The following PLCE1 variants were observed in gnomAD, a reference collection of about 807,000 sequenced individuals.
PLCE1 encodes 1-phosphatidylinositol 4,5-bisphosphate phosphodiesterase epsilon-1.
Under a neutral mutation model 242.8 loss-of-function variants are expected in PLCE1, and 119 were observed. The observed-to-expected ratio is 0.49, with a 90% CI of 0.42 to 0.57. The LOEUF is 0.57. PLCE1 is among the 20% of genes least tolerant of loss of function. PLCE1 has a pLI of 0.00. For missense variants in PLCE1, 2,441 were observed against 2,788.8 expected, an observed-to-expected ratio of 0.88 and a Z score of 2.81; for synonymous variants, 945 against 1,017.4, an observed-to-expected ratio of 0.93 and a Z score of 1.35.
At chr10:94,083,130 A>G (rs904674829) in intron 2 of PLCE1, among the ~76,000 whole-genome samples, 13 of 152,184 alleles carry the variant, frequency 8.5e-5, no homozygotes, top group Non-Finnish European at 1.9e-4. Context: ...GCATTGCATC[A>G]GATTCTTGGT....
At chr10:94,292,129 G>T (rs539851514) in intron 22 of PLCE1, among the ~76,000 whole-genome samples, 2 of 152,230 alleles carry the variant, frequency 1.3e-5, no homozygotes, top group African/African-American at 4.8e-5. Context: ...TAAGATCAAG[G>T]TATGAGAACT....
intron 4 of PLCE1, among the ~76,000 whole-genome samples, chr10:94,213,593 G>T (rs1037839787): frequency 1.3e-5 from 2 of 152,134 alleles, no homozygotes; most frequent in African/African-American, 4.8e-5. Context: ...ATGTTCCATT[G>T]ATATGTTCTT....
intron 8 of PLCE1, among the ~76,000 whole-genome samples, chr10:94,248,133 A>T (rs2137548469): frequency 6.6e-6 from 1 of 152,316 alleles, no homozygotes; most frequent in South Asian, 2.1e-4. Flanking sequence ...TAGACAAGGC[A>T]CATGTAATGC....
At chr10:94,060,773 T>G (rs1350577874) in intron 2 of PLCE1, among the ~76,000 whole-genome samples, 1 of 151,530 alleles carries the variant, frequency 6.6e-6, no homozygotes, top group African/African-American at 2.4e-5. Flanking sequence ...CAAAGCTCAC[T>G]GCAGCCTCAA....
intron 22 of PLCE1, among the ~76,000 whole-genome samples, chr10:94,288,559 C>T (rs953096328): frequency 2.6e-5 from 4 of 152,176 alleles, no homozygotes; most frequent in African/African-American, 9.7e-5. Flanking sequence ...ATTTGGAAGG[C>T]ACTGGGAGGT....
intron 2 of PLCE1, chr10:94,100,364 G>A (rs937553400): frequency 1.3e-5 from 2 of 152,132 alleles, no homozygotes; most frequent in Admixed American, 6.5e-5. Context: ...CTGCTAAAGT[G>A]ACATAGTGAA....
At chr10:94,155,663 G>A (rs2047410054) in intron 3 of PLCE1, 2 of 151,922 alleles carry the variant, frequency 1.3e-5, no homozygotes. Flanking sequence ...CTTCACAAAT[G>A]TATATGTCAT....
intron 1 of PLCE1, among the ~76,000 whole-genome samples, chr10:94,006,775 G>C (rs2061046984): frequency 1.3e-5 from 2 of 152,198 alleles, no homozygotes; most frequent in South Asian, 4.1e-4. Flanking sequence ...ATGACTCAAA[G>C]CTGGGAAAAT....
At chr10:94,101,062 G>A (rs140537979) in intron 2 of PLCE1, among the ~76,000 whole-genome samples, 1 of 152,294 alleles carries the variant, frequency 6.6e-6, no homozygotes, top group East Asian at 1.9e-4. Context: ...CAGATCCACA[G>A]GCCCCTCAGA....
intron 1 of PLCE1, among the ~76,000 whole-genome samples, chr10:94,004,180 A>G (rs2060991707): frequency 6.6e-6 from 1 of 152,148 alleles, no homozygotes. Context: ...GGATACTCTC[A>G]TTTCTTTATG....
At chr10:94,017,586 C>T (rs576354041) in intron 1 of PLCE1, among the ~76,000 whole-genome samples, 1 of 152,246 alleles carries the variant, frequency 6.6e-6, no homozygotes, top group East Asian at 1.9e-4. Context: ...AACTTGTTAA[C>T]TGGAGGGCCA....
At chr10:94,071,010 A>G (rs1050586462) in intron 2 of PLCE1, among the ~76,000 whole-genome samples, 21 of 152,208 alleles carry the variant, frequency 1.4e-4, no homozygotes. Flanking sequence ...AATCTTGCCA[A>G]CAAATCTGGG....
At position 94,125,516 on chromosome 10, in the gene PLCE1, C is replaced by T. The variant is rs368135644; in HGVS notation, c.1207-6658C>T. On this transcript the variant is annotated intron_variant, in intron 2 of 32. Coordinates refer to ENST00000371380, the MANE Select transcript of PLCE1 (RefSeq NM_016341.4). The stretch of plus-strand genomic sequence containing the variant: ...CATGCCATTCTCCTGCCTCAGCCTC[C>T]GGAGTAGCTGGGACTACAGACACCT... Among the ~76,000 whole-genome samples the T allele has an allele frequency of 3.3e-4, 50 of 152,186 alleles. 1 individual carries two copies. The East Asian group carries it at 8.7e-3, about 26-fold the overall frequency.
intron 4 of PLCE1, among the ~76,000 whole-genome samples, chr10:94,224,754 C>G (rs1237253521): frequency 6.6e-6 from 1 of 152,202 alleles, no homozygotes; most frequent in Non-Finnish European, 1.5e-5. Flanking sequence ...ATGACTCAGT[C>G]TCTGTTAGCA....
At chr10:94,249,629 G>A (rs2137574564) in intron 8 of PLCE1, among the ~76,000 whole-genome samples, 2 of 152,256 alleles carry the variant, frequency 1.3e-5, no homozygotes, top group Admixed American at 1.3e-4. Context: ...AATACTACAA[G>A]TATTTGAGTA....
rs748941618 is a variant in PLCE1 at position 94,032,210 on chromosome 10, G to C, written c.1164G>C (p.Arg388Ser). Residue 388 changes from arginine (R) to serine (S), a missense_variant, in exon 2 of 33, where the codon AGG (arginine) becomes AGC (serine). This residue lies in a region of PLCE1 where 733 missense variants were observed against 754.2 expected (regional missense o/e 0.97). Transcript: ENST00000371380. ...AACCCCCGTCAACAGTGGAGATAAG[G>C]CAAGATGGGAGCCAACGTCTGTCAG... The part of the protein sequence containing the change: ...VMEPPSTVEI[R>S]QDGSQRLSEA... 6 of 1,613,206 alleles carry C rather than the reference G, an allele frequency of 3.7e-6. No homozygotes were observed. The South Asian group carries it at 6.6e-5, about 18-fold the overall frequency.
intron 2 of PLCE1, among the ~76,000 whole-genome samples, chr10:94,055,759 A>G (rs4567381): frequency 0.41 from 61,805 of 152,026 alleles, 16,063 homozygotes; most frequent in African/African-American, 0.75. Flanking sequence ...TACATACTTT[A>G]CAGAGTTATT....
At position 94,321,990 on chromosome 10, in the gene PLCE1, T is replaced by C. The variant is rs746733824; in HGVS notation, c.6432T>C (p.Val2144=). Reference sequence around the variant, plus strand: ...GTTTCTTTGTCCAAGTGCATGATGTTTCTCCAGAGCAACCTCGAACAGTCA... The same window carrying C: ...GTTTCTTTGTCCAAGTGCATGATGTCTCTCCAGAGCAACCTCGAACAGTCA... ...EESFFVQVHD[V]SPEQPRTVIK... Residue 2144 remains valine (V), a synonymous_variant, in exon 30 of 33, where the codon GTT becomes GTC. Transcript: ENST00000371380. 6.2e-7 allele frequency: 1 copy of C among 1,614,074 alleles called. No individual in the cohort carries two copies. The highest frequency in any genetic ancestry group is 8.5e-7 in the Non-Finnish European group (1 of 1,179,954).
At position 94,126,369 on chromosome 10, in the gene PLCE1, G is replaced by T. The variant is rs986721877; in HGVS notation, c.1207-5805G>T. 3.9e-5 allele frequency among the ~76,000 whole-genome samples: 6 copies of T among 152,116 alleles called. No individual in the cohort carries two copies. In the East Asian group the frequency reaches 1.2e-3, roughly 29 times the overall value. On this transcript the variant is annotated intron_variant, in intron 2 of 32. Coordinates refer to ENST00000371380, the MANE Select transcript of PLCE1 (RefSeq NM_016341.4). The stretch of plus-strand genomic sequence containing the variant: ...TTGACTCCTTTCCTTTCCTCCCAAT[G>T]ACTTCAGCAAGTCCTGTAGAAATAT...
Sources: allele counts gnomAD v4.1 joint callset (sites outside exome capture counted in the v4.1 genomes callset), GRCh38; gene constraint gnomAD v4.1.1; regional missense constraint gnomAD v4.1.1; transcripts MANE v1.5; gene names NCBI Gene and HGNC (gene_info 2026-07-23, HGNC 2026-07-21).